TMPRSS4: variants seen among roughly 807,000 people sequenced by gnomAD.
TMPRSS4 encodes transmembrane serine protease 4, also known as transmembrane protease serine 4.
In TMPRSS4, 45 loss-of-function variants were observed where a neutral mutation model predicts 56.4. That is an observed-to-expected ratio of 0.80 (90% CI 0.63 to 1.02). The LOEUF (loss-of-function observed/expected upper bound fraction) is 1.02. Among genes scored for constraint, TMPRSS4 ranks in the 50% least tolerant of loss-of-function variants. The probability of loss-of-function intolerance (pLI) is 0.00; values close to 1 mark genes in which losing one functional copy is unlikely to be tolerated. For synonymous variants in TMPRSS4, 205 were observed against 211.0 expected, an observed-to-expected ratio of 0.97 and a Z score of 0.25; for missense variants, 546 against 556.7, an observed-to-expected ratio of 0.98 and a Z score of 0.19.
At chr11:118,113,163 G>A in intron 8 of TMPRSS4, 106 bp from the exon 9 acceptor site, 1 of 1,130,850 alleles carries the variant, frequency 8.8e-7, no homozygotes, top group East Asian at 2.5e-5. Context: ...TTCCTCCCAA[G>A]GCAGTGACAT....
chr11:118,104,346 A>G (rs75355626), intron 4 of TMPRSS4, among the ~76,000 whole-genome samples: 8,493 of 152,130 alleles, frequency 0.056, 596 homozygotes, highest in African/African-American at 0.16. Context: ...TGGTCCATAC[A>G]ATTTAAACAA....
downstream of TMPRSS4, chr11:118,125,426 A>G (rs1353039508): frequency 2.2e-6 from 1 of 451,178 alleles, no homozygotes; most frequent in African/African-American, 2.0e-5. Flanking sequence ...GCTTTCTCTC[A>G]TTCCCTGCCT....
rs566651241 is a variant in TMPRSS4 at position 118,079,469 on chromosome 11, C to T, written c.3+2164C>T. Reference sequence around the variant, plus strand: ...CTCAGGCCCAGGCAGAGGTCAGAGCCCAAGCCCTGTCCCCGAAGGAAATGT... The same window carrying T: ...CTCAGGCCCAGGCAGAGGTCAGAGCTCAAGCCCTGTCCCCGAAGGAAATGT... On this transcript the variant is annotated intron_variant, in intron 1 of 12. Transcript: ENST00000437212. Among the ~76,000 whole-genome samples, 101 of 152,266 alleles carry T rather than the reference C, an allele frequency of 6.6e-4. 1 individual carries two copies. Among genetic ancestry groups the T allele is most frequent in the Non-Finnish European group, 1.3e-3 (89 of 68,014 alleles).
At chr11:118,124,056 T>A (rs1947847285), downstream of TMPRSS4, among the ~76,000 whole-genome samples, 1 of 152,134 alleles carries the variant, frequency 6.6e-6, no homozygotes, top group African/African-American at 2.4e-5. Flanking sequence ...CATACAGAAG[T>A]ATTTGGGGTA....
chr11:118,123,421 C>T (rs1947831677), downstream of TMPRSS4, among the ~76,000 whole-genome samples: 1 of 152,156 alleles, frequency 6.6e-6, no homozygotes, highest in Non-Finnish European at 1.5e-5. Flanking sequence ...ATTAGAGGAA[C>T]AAATTAAATG....
chr11:118,081,561 T>G (rs572459879), intron 1 of TMPRSS4, among the ~76,000 whole-genome samples: 11 of 152,360 alleles, frequency 7.2e-5, no homozygotes, highest in Admixed American at 7.2e-4. Flanking sequence ...AAAGGAACAC[T>G]TGAGGAAGAG....
chr11:118,123,021 G>A (rs1947824069), downstream of TMPRSS4, among the ~76,000 whole-genome samples: 1 of 152,044 alleles, frequency 6.6e-6, no homozygotes, highest in South Asian at 2.1e-4. Flanking sequence ...GAATCTGCTG[G>A]CAACCTTGAT....
chr11:118,115,519 A>G (rs892814929), intron 11 of TMPRSS4: 2 of 502,416 alleles, frequency 4.0e-6, no homozygotes, highest in Non-Finnish European at 3.6e-6. Context: ...TCTCTTTCAC[A>G]TTCGAAGATG....
intron 5 of TMPRSS4, chr11:118,105,545 C>G (rs577918011): frequency 2.0e-5 from 3 of 152,142 alleles, no homozygotes; most frequent in Non-Finnish European, 1.5e-5. Flanking sequence ...CTAATTCTTG[C>G]GCATTAGGAG....
intron 11 of TMPRSS4, among the ~76,000 whole-genome samples, chr11:118,116,128 T>A (rs554521495): frequency 6.6e-6 from 1 of 152,334 alleles, no homozygotes; most frequent in African/African-American, 2.4e-5. Context: ...TTTTCTTTTA[T>A]GTTTTTTAAC....
Position 118,118,582 on chromosome 11 carries a change from G to A in TMPRSS4, c.*669G>A, listed in dbSNP as rs1947684398. Reference sequence around the variant, plus strand: ...CAAAGTAGAGGCAGGGGAAAAAAGAGTTAGGGAGACCAGATCTGCTGAGTG... The same window carrying A: ...CAAAGTAGAGGCAGGGGAAAAAAGAATTAGGGAGACCAGATCTGCTGAGTG... On this transcript the variant is annotated 3_prime_UTR_variant, in exon 13 of 13. Coordinates refer to ENST00000437212, the MANE Select transcript of TMPRSS4 (RefSeq NM_019894.4). 2 of 985,346 alleles carry A rather than the reference G, an allele frequency of 2.0e-6. No homozygotes were observed. The highest frequency in any genetic ancestry group is 1.2e-4 in the Admixed American group (2 of 16,274). 61.0% of individuals were successfully genotyped at this position (985,346 alleles called of 1,614,324 possible).
intron 1 of TMPRSS4, among the ~76,000 whole-genome samples, chr11:118,090,151 T>C (rs1369992082): frequency 6.6e-6 from 1 of 152,220 alleles, no homozygotes; most frequent in Non-Finnish European, 1.5e-5. Flanking sequence ...CCCATCCATA[T>C]TATTTTGTGT....
chr11:118,081,062 G>A (rs1945088583), intron 1 of TMPRSS4, among the ~76,000 whole-genome samples: 1 of 152,172 alleles, frequency 6.6e-6, no homozygotes, highest in South Asian at 2.1e-4. Context: ...CCTAGCACAG[G>A]GCATGGCATC....
intron 2 of TMPRSS4, chr11:118,095,385 A>G (rs948466): frequency 0.92 from 145,530 of 158,536 alleles, 66,889 homozygotes; most frequent in South Asian, 0.93. Context: ...CTGATAGCCT[A>G]CTGGATCAGC....
chr11:118,115,240 T>C lies in TMPRSS4; in HGVS notation c.1112T>C (p.Met371Thr), dbSNP rs1425687661. ...AYQGEVTEKM[M>T]CAGIPEGGVD... ...CAGGGGGAAGTCACCGAGAAGATGA[T>C]GTGTGCAGGCATCCCGGAAGGGGGT... Residue 371 changes from methionine to threonine, a missense_variant, in exon 11 of 13, where the codon ATG (methionine) becomes ACG (threonine). Coordinates refer to ENST00000437212, the MANE Select transcript of TMPRSS4 (RefSeq NM_019894.4). 6.2e-7 allele frequency: 1 copy of C among 1,611,002 alleles called. No individual in the cohort carries two copies.
At position 118,107,817 on chromosome 11, in the gene TMPRSS4, C is replaced by G; in HGVS notation, c.484C>G (p.Leu162Val). ...TGTGGAGATTGGCCCAGACCAGGAT[C>G]TGGATGTTGTTGAAATCACAGAAAA... ...RAVEIGPDQD[L>V]DVVEITENSQ... is the part of the protein sequence containing the mutation. Residue 162 changes from leucine (L) to valine (V), a missense_variant, in exon 6 of 13, where the codon CTG (leucine) becomes GTG (valine). Coordinates refer to ENST00000437212, the MANE Select transcript of TMPRSS4 (RefSeq NM_019894.4). 1.2e-6 allele frequency: 2 copies of G among 1,614,196 alleles called. No homozygotes were observed. The highest frequency in any genetic ancestry group is 8.5e-7 in the Non-Finnish European group (1 of 1,180,038).
intron 2 of TMPRSS4, among the ~76,000 whole-genome samples, chr11:118,096,547 G>A (rs964050086): frequency 1.1e-4 from 16 of 152,106 alleles, no homozygotes; most frequent in African/African-American, 3.6e-4. Flanking sequence ...ACTTTGGGAG[G>A]CCAAGGTGGG....
intron 11 of TMPRSS4, among the ~76,000 whole-genome samples, chr11:118,115,761 T>TG (rs1947519624): frequency 6.6e-6 from 1 of 152,146 alleles, no homozygotes; most frequent in African/African-American, 2.4e-5. Flanking sequence ...AGGCAGAGGT[T>TG]GCAGTAAGCT....
intron 3 of TMPRSS4, among the ~76,000 whole-genome samples, chr11:118,099,453 A>G (rs370607638): frequency 1.3e-4 from 5 of 38,848 alleles, no homozygotes; most frequent in African/African-American, 2.9e-4. Flanking sequence ...AGAAGAGAGA[A>G]AGAGAGAAAG....
Sources: allele counts gnomAD v4.1 joint callset (sites outside exome capture counted in the v4.1 genomes callset), GRCh38; gene constraint gnomAD v4.1.1; transcripts MANE v1.5; gene names NCBI Gene and HGNC (gene_info 2026-07-23, HGNC 2026-07-21).